The following PTPN4 variants were observed in gnomAD, a reference collection of about 807,000 sequenced individuals.
The protein encoded by PTPN4 is protein tyrosine phosphatase non-receptor type 4.
Under a neutral mutation model 135.5 loss-of-function variants are expected in PTPN4, and 49 were observed. The observed-to-expected ratio is 0.36, with a 90% CI of 0.29 to 0.46. PTPN4 has a LOEUF of 0.46. PTPN4 is among the 20% of genes least tolerant of loss of function. The pLI is 1.00. For missense variants in PTPN4, 860 were observed against 1,101.0 expected (o/e 0.78, Z 3.10); for synonymous variants, 333 against 369.9 (o/e 0.90, Z 1.14).
chr2:119,798,122 ACT>A (rs1255167136), intron 1 of PTPN4, among the ~76,000 whole-genome samples: 2 of 151,636 alleles, frequency 1.3e-5, no homozygotes, highest in African/African-American at 4.8e-5. Flanking sequence ...GCTCTTTCCT[ACT>A]GTCAGCAGCT....
intron 9 of PTPN4, among the ~76,000 whole-genome samples, chr2:119,892,355 T>C (rs1466465350): frequency 6.6e-6 from 1 of 152,202 alleles, no homozygotes; most frequent in Non-Finnish European, 1.5e-5. Context: ...AAATTTTGAG[T>C]TGTACATTTA....
At chr2:119,841,035 G>A (rs1025891754) in intron 2 of PTPN4, among the ~76,000 whole-genome samples, 1 of 151,938 alleles carries the variant, frequency 6.6e-6, no homozygotes, top group Non-Finnish European at 1.5e-5. Flanking sequence ...TGTTTACTCT[G>A]ATAGGCTTTT....
At chr2:119,773,402 A>G (rs908188266) in intron 1 of PTPN4, among the ~76,000 whole-genome samples, 1 of 152,112 alleles carries the variant, frequency 6.6e-6, no homozygotes. Context: ...AAAAACACAG[A>G]TGAACTATAT....
At position 119,882,115 on chromosome 2, in the gene PTPN4, T is replaced by C; in HGVS notation, c.432T>C (p.Asn144=). ...ILTGRLPCPS[N]TAALLASFAV... ...TTATTAGATTACCCTGTCCTTCTAA[T>C]ACTGCTGCCCTTTTAGCTTCATTTG... The change falls in exon 7 of 27, where the codon AAT becomes AAC. Residue 144 remains asparagine, a synonymous_variant. Coordinates refer to ENST00000263708, the MANE Select transcript of PTPN4 (RefSeq NM_002830.4). 1 of 1,610,216 alleles carries C rather than the reference T, an allele frequency of 6.2e-7. No homozygotes were observed. The highest frequency in any genetic ancestry group is 8.5e-7 in the Non-Finnish European group (1 of 1,176,558).
chr2:119,945,021 G>C, intron 15 of PTPN4, 60 bp from the exon 16 acceptor site: 1 of 1,473,730 alleles, frequency 6.8e-7, no homozygotes, highest in East Asian at 2.5e-5. Flanking sequence ...TATGTGGGTT[G>C]CTTGACCCTA....
chr2:119,796,817 A>AT (rs1201401172), intron 1 of PTPN4, among the ~76,000 whole-genome samples: 4 of 151,070 alleles, frequency 2.6e-5, no homozygotes, highest in South Asian at 2.1e-4. Context: ...TGAGAGATGT[A>AT]TTTTCTCTAG....
chr2:119,885,126 T>C (rs544390077), intron 8 of PTPN4, among the ~76,000 whole-genome samples: 7 of 152,302 alleles, frequency 4.6e-5, no homozygotes, highest in Admixed American at 2.0e-4. Context: ...TCTTAAACCA[T>C]CTGTGATGAA....
intron 1 of PTPN4, among the ~76,000 whole-genome samples, chr2:119,787,080 T>G (rs1691060421): frequency 6.6e-6 from 1 of 152,176 alleles, no homozygotes; most frequent in Non-Finnish European, 1.5e-5. Flanking sequence ...GGTGTGTAGG[T>G]GTGTGTGGGT....
intron 3 of PTPN4, among the ~76,000 whole-genome samples, chr2:119,863,029 C>T (rs1424030286): frequency 6.6e-6 from 1 of 152,000 alleles, no homozygotes; most frequent in African/African-American, 2.4e-5. Flanking sequence ...AGAGCTATTT[C>T]TAATAAAAAT....
chr2:119,963,400 C>T (rs1021956384), intron 24 of PTPN4, among the ~76,000 whole-genome samples: 1 of 152,222 alleles, frequency 6.6e-6, no homozygotes, highest in African/African-American at 2.4e-5. Flanking sequence ...ACCCTACTTT[C>T]TCTGCCTGCA....
At chr2:119,974,186 A>G (rs1679579998) in intron 26 of PTPN4, among the ~76,000 whole-genome samples, 2 of 152,024 alleles carry the variant, frequency 1.3e-5, no homozygotes. Context: ...GTTTTAGCCC[A>G]TTGTAGTTTT....
chr2:119,784,311 C>T (rs1267237924), intron 1 of PTPN4, among the ~76,000 whole-genome samples: 6 of 139,304 alleles, frequency 4.3e-5, no homozygotes, highest in African/African-American at 1.6e-4. Context: ...ATCTCCTGGG[C>T]TCAATCAGTC....
chr2:119,760,660 G>T (rs1690469178), intron 1 of PTPN4, among the ~76,000 whole-genome samples: 1 of 150,820 alleles, frequency 6.6e-6, no homozygotes, highest in African/African-American at 2.4e-5. Context: ...TAGGTGCGGA[G>T]ATGGAATGTT....
rs1353352315 is a variant in PTPN4 at position 119,980,030 on chromosome 2, A to T, written c.*2960A>T. The T allele has an allele frequency of 6.6e-6, 1 of 152,122 alleles. No individual in the cohort carries two copies. Among genetic ancestry groups the T allele is most frequent in the African/African-American group, 2.4e-5 (1 of 41,452 alleles). The allele number at this position is 152,122 out of a possible 1,614,324, so 9.4% of individuals were successfully genotyped here. On this transcript the variant is annotated 3_prime_UTR_variant, in exon 27 of 27. Transcript: ENST00000263708. ...AAAATTGATAGTATTTGTTAAACCAATGCATCCATTCAAAATAGAGGCAGA... is the reference window on the plus strand; with the variant it reads ...AAAATTGATAGTATTTGTTAAACCATTGCATCCATTCAAAATAGAGGCAGA...
intron 1 of PTPN4, among the ~76,000 whole-genome samples, chr2:119,769,275 G>A (rs1168835841): frequency 6.6e-6 from 1 of 152,210 alleles, no homozygotes; most frequent in Non-Finnish European, 1.5e-5. Flanking sequence ...AAAAAGAGAA[G>A]ACCAAGAGGC....
rs1045948257 is a variant in PTPN4, at chr2:119,979,585, A to G, written c.*2515A>G. On this transcript the variant is annotated 3_prime_UTR_variant, in exon 27 of 27. Transcript: ENST00000263708. ...TAAAATGAATATGCTAATAGATAAG[A>G]CTTTATCCATTACATCTAAGAACTT... The G allele has an allele frequency of 6.6e-6, 1 of 152,162 alleles. No individual in the cohort carries two copies. The highest frequency in any genetic ancestry group is 1.5e-5 in the Non-Finnish European group (1 of 67,990). 9.4% of individuals were successfully genotyped at this position (152,162 alleles called of 1,614,324 possible).
intron 15 of PTPN4, among the ~76,000 whole-genome samples, chr2:119,936,753 G>C (rs1205585934): frequency 1.3e-5 from 2 of 152,158 alleles, no homozygotes; most frequent in Admixed American, 6.5e-5. Context: ...GTGGAGAAGC[G>C]AGTTCAGGGT....
chr2:119,772,526 TAAAGAA>T (rs1237815274), intron 1 of PTPN4, among the ~76,000 whole-genome samples: 8 of 152,322 alleles, frequency 5.3e-5, no homozygotes, highest in Middle Eastern at 3.4e-3. Context: ...TCAGATTCTC[TAAAGAA>T]ATTTTATTTT....
At chr2:119,938,776 C>G (rs1174345302) in intron 15 of PTPN4, among the ~76,000 whole-genome samples, 1 of 151,536 alleles carries the variant, frequency 6.6e-6, no homozygotes, top group African/African-American at 2.4e-5. Flanking sequence ...GTGGGGGATG[C>G]TTATTAGCAT....
Sources: allele counts gnomAD v4.1 joint callset (sites outside exome capture counted in the v4.1 genomes callset), GRCh38; gene constraint gnomAD v4.1.1; transcripts MANE v1.5; gene names NCBI Gene and HGNC (gene_info 2026-07-23, HGNC 2026-07-21).